UGT1A10: variants seen among roughly 807,000 people sequenced by gnomAD.
UGT1A10 encodes the protein UDP glucuronosyltransferase family 1 member A10, also known as UDP-glucuronosyltransferase 1A10.
In UGT1A10, 49 loss-of-function variants were observed where a neutral mutation model predicts 45.8. The ratio of observed to expected loss-of-function variants is 1.07; its 90% CI spans 0.85 to 1.36. UGT1A10 has a LOEUF of 1.36. UGT1A10 is among the 40% of genes most tolerant of loss of function. UGT1A10 has a pLI of 0.00. For synonymous variants in UGT1A10, 284 were observed against 249.7 expected, an observed-to-expected ratio of 1.14 and a Z score of -1.29; for missense variants, 745 against 668.6, an observed-to-expected ratio of 1.11 and a Z score of -1.26.
intron 1 of UGT1A10, among the ~76,000 whole-genome samples, chr2:233,663,312 A>G (rs2074012093): frequency 6.6e-6 from 1 of 152,156 alleles, no homozygotes; most frequent in Non-Finnish European, 1.5e-5. Context: ...CTCCCCAAGC[A>G]ATTTGGGGAA....
chr2:233,729,742 A>G (rs573582484), intron 1 of UGT1A10: 2 of 1,613,974 alleles, frequency 1.2e-6, no homozygotes, highest in East Asian at 2.2e-5. Context: ...AGACCACATG[A>G]CATTCATGCA....
chr2:233,762,543 G>A (rs1248994186), intron 1 of UGT1A10, among the ~76,000 whole-genome samples: 10 of 152,184 alleles, frequency 6.6e-5, no homozygotes, highest in Admixed American at 6.5e-4. Flanking sequence ...GTACCACAGT[G>A]TATTCTGCTG....
chr2:233,656,443 G>A (rs2073854983), intron 1 of UGT1A10, among the ~76,000 whole-genome samples: 1 of 152,222 alleles, frequency 6.6e-6, no homozygotes, highest in Non-Finnish European at 1.5e-5. Flanking sequence ...TCAGTGTCCG[G>A]TGGAGGTGCA....
chr2:233,691,076 G>T, intron 1 of UGT1A10: 1 of 986,220 alleles, frequency 1.0e-6, no homozygotes, highest in Non-Finnish European at 1.2e-6. Context: ...AGAATGTGAA[G>T]TTTGTAGCAT....
At chr2:233,661,331 A>C (rs1017393496) in intron 1 of UGT1A10, among the ~76,000 whole-genome samples, 11 of 152,086 alleles carry the variant, frequency 7.2e-5, no homozygotes, top group African/African-American at 2.7e-4. Flanking sequence ...TGGTGCTGTC[A>C]TTACCATTAC....
Position 233,760,881 on chromosome 2 carries a change from C to T in UGT1A10, c.856-6153C>T, listed in dbSNP as rs199675631. ...TCTCCTACGTGCCCAGGCCTCTCTC[C>T]TCTCATTCAGATCACATGACCTTCC... On this transcript the variant is annotated intron_variant, in intron 1 of 4. Transcript: ENST00000344644. The T allele has an allele frequency of 3.1e-6, 5 of 1,614,198 alleles. No homozygotes were observed. The South Asian group carries it at 4.4e-5, about 14-fold the overall frequency.
rs542562674 is a variant in UGT1A10, at chr2:233,763,721, C to G, written c.856-3313C>G. 2.0e-5 allele frequency among the ~76,000 whole-genome samples: 3 copies of G among 152,262 alleles called. No homozygotes were observed. The South Asian group carries it at 6.2e-4, about 32-fold the overall frequency. On this transcript the variant is annotated intron_variant, in intron 1 of 4. Coordinates refer to ENST00000344644, the MANE Select transcript of UGT1A10 (RefSeq NM_019075.4). Reference sequence around the variant, plus strand: ...TGCACAAAGAAGTCCATAGAGAAAGCACAACCTGGCATTGGCGTGTCTTTG... The same window carrying G: ...TGCACAAAGAAGTCCATAGAGAAAGGACAACCTGGCATTGGCGTGTCTTTG...
intron 1 of UGT1A10, chr2:233,719,148 T>C (rs763386476): frequency 6.2e-7 from 1 of 1,614,150 alleles, no homozygotes; most frequent in African/African-American, 1.3e-5. Context: ...TCTGAAGAGA[T>C]ATTCTAGAAG....
At chr2:233,763,924 T>C (rs1294643853) in intron 1 of UGT1A10, among the ~76,000 whole-genome samples, 1 of 152,112 alleles carries the variant, frequency 6.6e-6, no homozygotes, top group African/African-American at 2.4e-5. Context: ...GGCTTCGAGA[T>C]GGCCAGGAGA....
In UGT1A10 at chr2:233,768,278, C is replaced by T. The variant is rs72551354; in HGVS notation, c.1134C>T (p.Ser378=). The change falls in exon 4 of 5, where the codon AGC becomes AGT. Residue 378 remains serine, a synonymous_variant. Coordinates refer to ENST00000344644, the MANE Select transcript of UGT1A10 (RefSeq NM_019075.4). ...THAGSHGVYE[S]ICNGVPMVMM... is the part of the protein sequence containing the mutation. ...CTGGTTCCCATGGTGTTTATGAAAG[C>T]ATATGCAATGGCGTTCCCATGGTGA... 6.2e-7 allele frequency: 1 copy of T among 1,614,064 alleles called. No individual in the cohort carries two copies. The highest frequency in any genetic ancestry group is 1.3e-5 in the African/African-American group (1 of 74,924).
intron 1 of UGT1A10, among the ~76,000 whole-genome samples, chr2:233,680,979 AG>A (rs2074504843): frequency 6.6e-6 from 1 of 152,056 alleles, no homozygotes; most frequent in Non-Finnish European, 1.5e-5. Flanking sequence ...CCATGGAGGC[AG>A]GGTTGTCAAT....
intron 1 of UGT1A10, chr2:233,755,332 C>A (rs556124321): frequency 5.3e-4 from 243 of 459,718 alleles, no homozygotes; most frequent in African/African-American, 4.6e-3. Flanking sequence ...CCAGCACCCG[C>A]GCACAGGTCA....
intron 1 of UGT1A10, among the ~76,000 whole-genome samples, chr2:233,709,193 A>G (rs1200077395): frequency 1.3e-5 from 2 of 152,156 alleles, no homozygotes; most frequent in Non-Finnish European, 2.9e-5. Context: ...CTGGGAGTGG[A>G]TCCTCACCAG....
intron 1 of UGT1A10, among the ~76,000 whole-genome samples, chr2:233,658,672 C>A (rs1359392871): frequency 2.0e-5 from 3 of 152,194 alleles, no homozygotes; most frequent in Non-Finnish European, 4.4e-5. Flanking sequence ...AGTAAGACCA[C>A]AAAGGTAATG....
At chr2:233,741,284 A>G (rs1443656037) in intron 1 of UGT1A10, among the ~76,000 whole-genome samples, 2 of 151,828 alleles carry the variant, frequency 1.3e-5, no homozygotes, top group South Asian at 2.1e-4. Flanking sequence ...AATGGGATTT[A>G]TGTACCCAAT....
intron 1 of UGT1A10, chr2:233,692,203 G>C (rs1200902160): frequency 6.6e-6 from 1 of 152,362 alleles, no homozygotes; most frequent in Non-Finnish European, 1.5e-5. Context: ...GGTGTGGAGG[G>C]TGGGGCACCC....
rs267599273 is a variant in UGT1A10, at chr2:233,767,927, G to A, written c.1066G>A (p.Asp356Asn). ...TILVKWLPQN[D>N]LLGHPMTRAF... ...ACTTGTTAAGTGGCTACCCCAAAACGATCTGCTTGGTATGTTGGGCGGATT... is the reference window on the plus strand; with the variant it reads ...ACTTGTTAAGTGGCTACCCCAAAACAATCTGCTTGGTATGTTGGGCGGATT... The change falls in exon 3 of 5, where the codon GAT becomes AAT. Residue 356 changes from aspartate to asparagine, a missense_variant. By Grantham distance (23) the Asp-to-Asn change is conservative (BLOSUM62 1). Coordinates refer to ENST00000344644, the MANE Select transcript of UGT1A10 (RefSeq NM_019075.4). 45 of 1,614,054 alleles carry A rather than the reference G, an allele frequency of 2.8e-5. 1 individual carries two copies. The highest frequency in any genetic ancestry group is 2.2e-4 in the South Asian group (20 of 91,078).
In UGT1A10 at chr2:233,638,138, C is replaced by T. The variant is rs116132621; in HGVS notation, c.855+761C>T. Among the ~76,000 whole-genome samples the T allele has an allele frequency of 8.6e-3, 1,302 of 152,238 alleles. 26 individuals carry two copies. The highest frequency in any genetic ancestry group is 0.03 in the African/African-American group (1,235 of 41,554). ...TTTCCTGAATTGAGAAGACTGGCAT[C>T]TTTTTGCTATTAAGTCTTCCTGTTC... On this transcript the variant is annotated intron_variant, in intron 1 of 4. Coordinates refer to ENST00000344644, the MANE Select transcript of UGT1A10 (RefSeq NM_019075.4).
chr2:233,729,869 T>C (rs1226699407), intron 1 of UGT1A10: 4 of 1,613,726 alleles, frequency 2.5e-6, no homozygotes, highest in East Asian at 4.5e-5. Context: ...GTGGTGGATA[T>C]TCTCAGTCAT....
Sources: gnomAD v4.1 joint callset for allele counts (sites outside exome capture counted in the v4.1 genomes callset) on GRCh38, gnomAD v4.1.1 for gene constraint, MANE v1.5 for transcripts, NCBI Gene and HGNC (gene_info 2026-07-23, HGNC 2026-07-21) for gene names.